ZFAND3: variants seen among roughly 807,000 people sequenced by gnomAD.
The protein encoded by ZFAND3 is AN1-type zinc finger protein 3.
In ZFAND3, 10 loss-of-function variants were observed where a neutral mutation model predicts 29.6. The observed-to-expected ratio is 0.34, with a 90% CI of 0.21 to 0.57. ZFAND3 has a LOEUF of 0.57. Ranked by LOEUF, ZFAND3 falls within the 20% of genes least tolerant of loss-of-function variation. ZFAND3 has a pLI of 0.86. For missense variants in ZFAND3, 230 were observed against 304.5 expected (o/e 0.76, Z 1.82); for synonymous variants, 128 against 112.6 (o/e 1.14, Z -0.87).
At chr6:37,945,150 C>T (rs909486512) in intron 2 of ZFAND3, among the ~76,000 whole-genome samples, 1 of 152,144 alleles carries the variant, frequency 6.6e-6, no homozygotes. Flanking sequence ...GGGTCCACTT[C>T]GTCTTAGCTA....
At position 38,124,423 on chromosome 6, in the gene ZFAND3, C is replaced by T. The variant is rs368804837; in HGVS notation, c.529+7684C>T. On this transcript the variant is annotated intron_variant, in intron 5 of 5. Transcript: ENST00000287218. ...CTCGGGGCTGCGCAGGAGCCCACAGCGGGGGGCCAGGCGGGGAGGCTCAGG... is the reference window on the plus strand; with the variant it reads ...CTCGGGGCTGCGCAGGAGCCCACAGTGGGGGGCCAGGCGGGGAGGCTCAGG... 6.7e-4 allele frequency among the ~76,000 whole-genome samples: 102 copies of T among 152,280 alleles called. No individual in the cohort carries two copies. In the East Asian group the frequency reaches 0.012, roughly 18 times the overall value.
At chr6:38,131,627 T>G (rs1045112640) in intron 5 of ZFAND3, among the ~76,000 whole-genome samples, 1 of 152,242 alleles carries the variant, frequency 6.6e-6, no homozygotes, top group South Asian at 2.1e-4. Context: ...TTATACCTTT[T>G]GGGTGTGTAA....
At chr6:37,995,932 G>A (rs1340422733) in intron 2 of ZFAND3, among the ~76,000 whole-genome samples, 1 of 152,040 alleles carries the variant, frequency 6.6e-6, no homozygotes, top group Non-Finnish European at 1.5e-5. Context: ...TTTGAGACCA[G>A]CCTGGCCAAC....
intron 2 of ZFAND3, among the ~76,000 whole-genome samples, chr6:38,014,054 A>G (rs1033170742): frequency 1.3e-5 from 2 of 152,206 alleles, no homozygotes; most frequent in South Asian, 2.1e-4. Context: ...TATTTGTCCA[A>G]CTTACTCTCA....
At chr6:37,923,697 A>G (rs578192288) in intron 1 of ZFAND3, among the ~76,000 whole-genome samples, 78 of 152,316 alleles carry the variant, frequency 5.1e-4, no homozygotes, top group African/African-American at 1.8e-3. Flanking sequence ...TGTTGCTCTA[A>G]CACTACAGCT....
intron 2 of ZFAND3, among the ~76,000 whole-genome samples, chr6:37,988,765 C>T (rs1168134102): frequency 6.6e-6 from 1 of 152,180 alleles, no homozygotes; most frequent in Non-Finnish European, 1.5e-5. Flanking sequence ...TTCCTCCCTC[C>T]TTCCAACATT....
At chr6:37,914,460 A>T (rs572230522) in intron 1 of ZFAND3, among the ~76,000 whole-genome samples, 4 of 151,864 alleles carry the variant, frequency 2.6e-5, no homozygotes, top group Non-Finnish European at 5.9e-5. Context: ...TGTCTCAGCC[A>T]CCTGAGTAGT....
chr6:38,078,346 C>G (rs1029970802), intron 3 of ZFAND3, among the ~76,000 whole-genome samples: 2 of 152,144 alleles, frequency 1.3e-5, no homozygotes, highest in Non-Finnish European at 2.9e-5. Context: ...CATGCAAACT[C>G]CAAACTTTAA....
At chr6:37,888,766 G>A (rs1765044366) in intron 1 of ZFAND3, among the ~76,000 whole-genome samples, 1 of 152,120 alleles carries the variant, frequency 6.6e-6, no homozygotes, top group Admixed American at 6.5e-5. Context: ...TGGACTTTTT[G>A]GCTGCAAGAG....
intron 2 of ZFAND3, among the ~76,000 whole-genome samples, chr6:38,042,348 CTT>C (rs1452790742): frequency 7.8e-6 from 1 of 128,122 alleles, no homozygotes; most frequent in African/African-American, 3.0e-5. Flanking sequence ...GAGTTTCGCT[CTT>C]GTCACTCAGG....
At chr6:38,012,519 C>T (rs1763175207) in intron 2 of ZFAND3, among the ~76,000 whole-genome samples, 1 of 151,964 alleles carries the variant, frequency 6.6e-6, no homozygotes, top group Admixed American at 6.6e-5. Flanking sequence ...GCTGGGACTA[C>T]AGGTGCGTGC....
intron 2 of ZFAND3, among the ~76,000 whole-genome samples, chr6:38,027,898 G>A (rs1256960553): frequency 6.6e-6 from 1 of 152,216 alleles, no homozygotes; most frequent in Non-Finnish European, 1.5e-5. Flanking sequence ...GCCCTGCTAT[G>A]GAGCCTTTCT....
At chr6:37,937,652 T>TC (rs1384001845) in intron 2 of ZFAND3, among the ~76,000 whole-genome samples, 1 of 9,772 alleles carries the variant, frequency 1.0e-4, no homozygotes, top group East Asian at 5.8e-3. Flanking sequence ...AGACTCCGTC[T>TC]CAAAAAAAAA....
intron 2 of ZFAND3, among the ~76,000 whole-genome samples, chr6:38,034,336 T>C (rs1192425222): frequency 6.6e-6 from 1 of 152,166 alleles, no homozygotes; most frequent in African/African-American, 2.4e-5. Flanking sequence ...TAAAGTCCAT[T>C]GGGGTTGGCC....
At chr6:38,019,404 C>CT (rs1163340507) in intron 2 of ZFAND3, among the ~76,000 whole-genome samples, 1 of 151,866 alleles carries the variant, frequency 6.6e-6, no homozygotes. Context: ...GACTTTGGGT[C>CT]TTTTTTATTT....
intron 1 of ZFAND3, among the ~76,000 whole-genome samples, chr6:37,928,221 T>C (rs1026385569): frequency 1.3e-5 from 2 of 152,160 alleles, no homozygotes; most frequent in African/African-American, 2.4e-5. Context: ...TTCCAGCACA[T>C]GGGGCAAACA....
intron 3 of ZFAND3, among the ~76,000 whole-genome samples, chr6:38,067,273 C>A (rs1318327499): frequency 1.3e-5 from 2 of 152,216 alleles, no homozygotes; most frequent in African/African-American, 4.8e-5. Flanking sequence ...TCTAAATGGA[C>A]CCACACAGTT....
intron 2 of ZFAND3, among the ~76,000 whole-genome samples, chr6:37,988,328 C>T (rs1401217722): frequency 2.0e-5 from 3 of 152,178 alleles, no homozygotes; most frequent in Non-Finnish European, 4.4e-5. Context: ...TATGTGGTCT[C>T]AATATGTATC....
intron 2 of ZFAND3, among the ~76,000 whole-genome samples, chr6:38,049,664 G>A (rs1350317199): frequency 1.3e-5 from 2 of 152,126 alleles, no homozygotes; most frequent in Non-Finnish European, 2.9e-5. Context: ...TGATACCTTG[G>A]ATTCACTGGA....
Sources: allele counts gnomAD v4.1 joint callset (sites outside exome capture counted in the v4.1 genomes callset), GRCh38; gene constraint gnomAD v4.1.1; transcripts MANE v1.5; gene names NCBI Gene and HGNC (gene_info 2026-07-23, HGNC 2026-07-21).